Variants in FMN1 observed in about 807,000 individuals in gnomAD.
The protein encoded by FMN1 is formin 1.
A neutral mutation model predicts 132.4 loss-of-function variants in FMN1; 110 were observed. The observed-to-expected ratio is 0.83, with a 90% CI of 0.71 to 0.97. FMN1 has a LOEUF of 0.97. Ranked by LOEUF, FMN1 falls within the 50% of genes least tolerant of loss-of-function variation. FMN1 has a pLI of 0.00. For missense variants in FMN1, 1,792 were observed against 1,705.3 expected, an observed-to-expected ratio of 1.05 and a Z score of -0.90; for synonymous variants, 722 against 651.7, an observed-to-expected ratio of 1.11 and a Z score of -1.64.
rs147784255 is a variant in FMN1 at position 32,919,631 on chromosome 15, T to C, written c.3226+6543A>G. Among the ~76,000 whole-genome samples the C allele has an allele frequency of 5.5e-3, 837 of 152,286 alleles. 8 individuals are homozygous for C. The highest frequency in any genetic ancestry group is 0.019 in the African/African-American group (806 of 41,562). ...TGTCCTACACTTATATTTTAGAAAA[T>C]AGACCTTGAGAAACATGCACTCAAA... On this transcript the variant is annotated intron_variant, in intron 10 of 20. Transcript: ENST00000616417.
At chr15:33,078,727 C>CAGTA (rs1272907366) in intron 5 of FMN1, among the ~76,000 whole-genome samples, 1 of 151,778 alleles carries the variant, frequency 6.6e-6, no homozygotes, top group Non-Finnish European at 1.5e-5. Context: ...TATGCAAAGG[C>CAGTA]TACTGCATTT....
chr15:32,830,709 T>C (rs1596031339), intron 17 of FMN1, among the ~76,000 whole-genome samples: 1 of 152,160 alleles, frequency 6.6e-6, no homozygotes, highest in East Asian at 1.9e-4. Flanking sequence ...GCAGTTATAT[T>C]ATTGAGTAGA....
intron 14 of FMN1, 163 bp downstream of exon 14, chr15:32,899,816 C>G: frequency 1.4e-6 from 1 of 709,494 alleles, no homozygotes; most frequent in Non-Finnish European, 2.3e-6. Context: ...ACTCTTTATT[C>G]GAAAGTGAAA....
intron 17 of FMN1, among the ~76,000 whole-genome samples, chr15:32,854,786 C>A (rs954971517): frequency 6.6e-6 from 1 of 151,932 alleles, no homozygotes; most frequent in Non-Finnish European, 1.5e-5. Context: ...TGGTGGTGGG[C>A]GCCTGTAATC....
At chr15:33,111,077 T>C (rs1423936519) in intron 4 of FMN1, among the ~76,000 whole-genome samples, 1 of 151,288 alleles carries the variant, frequency 6.6e-6, no homozygotes, top group South Asian at 2.1e-4. Context: ...CTTACATTCA[T>C]TTCTCATGGC....
intron 10 of FMN1, among the ~76,000 whole-genome samples, chr15:32,912,332 T>C (rs1490919897): frequency 3.3e-5 from 5 of 152,086 alleles, no homozygotes; most frequent in Admixed American, 1.3e-4. Context: ...CCCAGAGAGG[T>C]TGGGACTGAG....
At chr15:32,922,678 G>C (rs1413892548) in intron 10 of FMN1, among the ~76,000 whole-genome samples, 1 of 152,184 alleles carries the variant, frequency 6.6e-6, no homozygotes, top group Non-Finnish European at 1.5e-5. Flanking sequence ...TGTTATCAAG[G>C]TGACAAAGCT....
intron 4 of FMN1, among the ~76,000 whole-genome samples, chr15:33,122,586 T>C (rs565562942): frequency 6.6e-6 from 1 of 152,350 alleles, no homozygotes; most frequent in South Asian, 2.1e-4. Flanking sequence ...TTCTAAACAG[T>C]ACCACTAGCT....
intron 6 of FMN1, among the ~76,000 whole-genome samples, chr15:33,028,181 G>A (rs988425816): frequency 6.6e-6 from 1 of 152,194 alleles, no homozygotes; most frequent in Non-Finnish European, 1.5e-5. Context: ...ATGCGTGTTA[G>A]GAGCTGGAAT....
At chr15:33,051,025 T>A (rs1251538285) in intron 6 of FMN1, among the ~76,000 whole-genome samples, 1 of 152,232 alleles carries the variant, frequency 6.6e-6, no homozygotes. Flanking sequence ...TGTATACGTA[T>A]TCATGAGTGC....
Position 33,102,887 on chromosome 15 carries a change from C to T in FMN1, c.1868-13913G>A, listed in dbSNP as rs755443325. ...TTTTCAAACCATGGAACTAATTAGGCCTTCTCTGATATTCCTGTTTAAAAT... is the reference window on the plus strand; with the variant it reads ...TTTTCAAACCATGGAACTAATTAGGTCTTCTCTGATATTCCTGTTTAAAAT... On this transcript the variant is annotated intron_variant, in intron 4 of 20. Transcript: ENST00000616417. 5.7e-4 allele frequency among the ~76,000 whole-genome samples: 87 copies of T among 152,128 alleles called. 2 individuals carry two copies. The highest frequency in any genetic ancestry group is 7.7e-4 in the East Asian group (4 of 5,182).
chr15:32,810,071 C>T (rs1216399898), intron 17 of FMN1, among the ~76,000 whole-genome samples: 1 of 152,134 alleles, frequency 6.6e-6, no homozygotes, highest in Non-Finnish European at 1.5e-5. Context: ...AGGCACGCAC[C>T]ATGGCTGGCT....
intron 16 of FMN1, among the ~76,000 whole-genome samples, chr15:32,883,976 T>A (rs2059834232): frequency 6.6e-6 from 1 of 152,198 alleles, no homozygotes; most frequent in South Asian, 2.1e-4. Context: ...TTTCAGGTAA[T>A]ATTTTTAGGT....
chr15:33,130,915 A>G (rs1963513221), intron 4 of FMN1, among the ~76,000 whole-genome samples: 1 of 152,222 alleles, frequency 6.6e-6, no homozygotes, highest in African/African-American at 2.4e-5. Context: ...AGCCAAGGTT[A>G]CTTCAATTCT....
chr15:33,111,518 A>G (rs757652436), intron 4 of FMN1, among the ~76,000 whole-genome samples: 1 of 152,198 alleles, frequency 6.6e-6, no homozygotes, highest in African/African-American at 2.4e-5. Context: ...CCACACAAAA[A>G]CTTGTACACA....
chr15:33,180,766 T>TTA (rs1481920559), intron 2 of FMN1, among the ~76,000 whole-genome samples: 1 of 147,790 alleles, frequency 6.8e-6, no homozygotes, highest in Non-Finnish European at 1.5e-5. Flanking sequence ...TTTTTTTTTT[T>TTA]AAGACAGAGT....
At chr15:32,811,902 C>T (rs555526945) in intron 17 of FMN1, among the ~76,000 whole-genome samples, 1 of 152,126 alleles carries the variant, frequency 6.6e-6, no homozygotes, top group Non-Finnish European at 1.5e-5. Flanking sequence ...CCCACCTCAG[C>T]CTCTCAAAAG....
chr15:33,070,197 G>A (rs946329083), intron 5 of FMN1, among the ~76,000 whole-genome samples: 2 of 151,206 alleles, frequency 1.3e-5, no homozygotes, highest in Non-Finnish European at 2.9e-5. Flanking sequence ...TAGAGACAAG[G>A]TTTCTCCATG....
chr15:32,975,706 C>T (rs1457964762), intron 7 of FMN1, among the ~76,000 whole-genome samples: 5 of 151,940 alleles, frequency 3.3e-5, no homozygotes, highest in African/African-American at 7.3e-5. Flanking sequence ...AAATACTTAA[C>T]GTAGATAAGA....
Sources: allele counts gnomAD v4.1 joint callset (sites outside exome capture counted in the v4.1 genomes callset), GRCh38; gene constraint gnomAD v4.1.1; transcripts MANE v1.5; gene names NCBI Gene and HGNC (gene_info 2026-07-23, HGNC 2026-07-21).